Variants in KANSL1L observed in about 807,000 individuals in gnomAD.
The protein encoded by KANSL1L is KAT8 regulatory NSL complex subunit 1-like protein.
Under a neutral mutation model 108.6 loss-of-function variants are expected in KANSL1L, and 25 were observed. The ratio of observed to expected loss-of-function variants is 0.23; its 90% CI spans 0.17 to 0.32. The LOEUF (loss-of-function observed/expected upper bound fraction) is 0.32. Among genes scored for constraint, KANSL1L ranks in the 10% least tolerant of loss-of-function variants. KANSL1L has a pLI of 1.00. For missense variants in KANSL1L, 1,137 were observed against 1,125.7 expected, an observed-to-expected ratio of 1.01 and a Z score of -0.14; for synonymous variants, 405 against 395.1, an observed-to-expected ratio of 1.03 and a Z score of -0.30.
intron 7 of KANSL1L, chr2:210,043,294 T>G (rs1021340629): frequency 1.3e-5 from 2 of 153,152 alleles, no homozygotes; most frequent in African/African-American, 4.8e-5. Flanking sequence ...GAGGCTGAGG[T>G]GGGAGGATTA....
intron 5 of KANSL1L, among the ~76,000 whole-genome samples, chr2:210,086,992 C>T: frequency 6.6e-6 from 1 of 151,464 alleles, no homozygotes; most frequent in East Asian, 1.9e-4. Flanking sequence ...TAAGTTTATG[C>T]ATGAAAGTTC....
intron 6 of KANSL1L, among the ~76,000 whole-genome samples, chr2:210,048,343 A>G (rs12470144): frequency 0.28 from 42,700 of 151,424 alleles, 6,682 homozygotes; most frequent in Non-Finnish European, 0.35. Context: ...CTTTTTTCAT[A>G]TTTTCCATTT....
intron 6 of KANSL1L, among the ~76,000 whole-genome samples, chr2:210,074,893 G>T (rs1332274392): frequency 6.6e-6 from 1 of 152,128 alleles, no homozygotes; most frequent in Non-Finnish European, 1.5e-5. Context: ...AGCATATCCA[G>T]CAAGAACTAG....
In KANSL1L at chr2:210,028,964, A is replaced by G. The variant is rs772412965; in HGVS notation, c.2277T>C (p.Thr759=). ...TCTCACTTCTCAATCTCCGTCGTGC[A>G]GTATTCTGCAAAACAGGATTACAGT... ...LSRIQNSSRN[T]ARRRLRSESS... The change falls in exon 11 of 15, where the codon ACT becomes ACC. Residue 759 remains threonine (T), a synonymous_variant. Coordinates refer to ENST00000281772, the MANE Select transcript of KANSL1L (RefSeq NM_152519.4). The G allele has an allele frequency of 5.0e-6, 8 of 1,610,028 alleles. No individual in the cohort carries two copies. The highest frequency in any genetic ancestry group is 6.8e-6 in the Non-Finnish European group (8 of 1,177,714).
chr2:210,035,457 G>A (rs187939526), intron 8 of KANSL1L, among the ~76,000 whole-genome samples: 30 of 152,234 alleles, frequency 2.0e-4, no homozygotes, highest in African/African-American at 7.2e-4. Flanking sequence ...CTACAGGAAT[G>A]CCAAGTTATT....
At chr2:210,065,974 G>A (rs1450844869) in intron 6 of KANSL1L, among the ~76,000 whole-genome samples, 1 of 152,166 alleles carries the variant, frequency 6.6e-6, no homozygotes, top group African/African-American at 2.4e-5. Flanking sequence ...GTCTTGGAAG[G>A]AAGGTGTTCA....
chr2:210,060,615 C>T (rs2094409426), intron 6 of KANSL1L, among the ~76,000 whole-genome samples: 2 of 152,170 alleles, frequency 1.3e-5, no homozygotes, highest in African/African-American at 2.4e-5. Context: ...ATGCAAATAG[C>T]GTTCTTCAGA....
At chr2:210,164,545 T>C (rs1349874659) in intron 1 of KANSL1L, among the ~76,000 whole-genome samples, 5 of 152,192 alleles carry the variant, frequency 3.3e-5, no homozygotes, top group African/African-American at 9.6e-5. Context: ...ATTTCTTTCA[T>C]ATACACCCAA....
chr2:210,162,868 T>C (rs1425288373), intron 1 of KANSL1L, among the ~76,000 whole-genome samples: 1 of 152,184 alleles, frequency 6.6e-6, no homozygotes, highest in Non-Finnish European at 1.5e-5. Context: ...TTAAGGAATG[T>C]ATTGCTTTTA....
In KANSL1L at chr2:210,073,774, A is replaced by C. The variant is rs912455977; in HGVS notation, c.1755+1778T>G. Among the ~76,000 whole-genome samples the C allele has an allele frequency of 3.1e-4, 44 of 142,006 alleles. 1 individual carries two copies. The South Asian group carries it at 8.2e-3, about 26-fold the overall frequency. 93.2% of individuals were successfully genotyped at this position (142,006 alleles called of 152,430 possible). On this transcript the variant is annotated intron_variant, in intron 6 of 14. Coordinates refer to ENST00000281772, the MANE Select transcript of KANSL1L (RefSeq NM_152519.4). ...AGTAGGCAAATCTAGGAAACACACA[A>C]ACACACACACACACACACACACACA...
chr2:210,119,499 T>G (rs1006995161), intron 3 of KANSL1L, among the ~76,000 whole-genome samples: 1 of 152,152 alleles, frequency 6.6e-6, no homozygotes, highest in Non-Finnish European at 1.5e-5. Context: ...CATAATCAAG[T>G]AGGATGCATT....
At chr2:210,064,904 G>A (rs929854886) in intron 6 of KANSL1L, among the ~76,000 whole-genome samples, 3 of 150,608 alleles carry the variant, frequency 2.0e-5, no homozygotes, top group Non-Finnish European at 2.9e-5. Flanking sequence ...AGTACATTAC[G>A]AACTCATAGA....
At chr2:210,141,111 C>T (rs1222492330) in intron 2 of KANSL1L, among the ~76,000 whole-genome samples, 1 of 151,894 alleles carries the variant, frequency 6.6e-6, no homozygotes, top group Admixed American at 6.6e-5. Flanking sequence ...TTTCTTTCCT[C>T]TCTTCCCCTC....
chr2:210,024,748 G>A (rs2093912499), intron 13 of KANSL1L, among the ~76,000 whole-genome samples: 1 of 152,070 alleles, frequency 6.6e-6, no homozygotes, highest in South Asian at 2.1e-4. Flanking sequence ...TGGAAGTAGT[G>A]ATGTTAAAAT....
chr2:210,162,063 TAAAA>T (rs779066763), intron 1 of KANSL1L, among the ~76,000 whole-genome samples: 5 of 112,918 alleles, frequency 4.4e-5, no homozygotes, highest in African/African-American at 6.4e-5. Context: ...TGTCTCTATT[TAAAA>T]AAAAAAAAAA....
At chr2:210,122,311 G>A (rs1385360280) in intron 3 of KANSL1L, among the ~76,000 whole-genome samples, 1 of 152,026 alleles carries the variant, frequency 6.6e-6, no homozygotes, top group East Asian at 1.9e-4. Context: ...AATCAAAACG[G>A]CACAGTACTG....
chr2:210,164,327 A>T (rs1273865603), intron 1 of KANSL1L, among the ~76,000 whole-genome samples: 1 of 152,142 alleles, frequency 6.6e-6, no homozygotes, highest in South Asian at 2.1e-4. Context: ...GGCTTTATGG[A>T]AAGTTTATGG....
intron 1 of KANSL1L, among the ~76,000 whole-genome samples, chr2:210,167,275 C>G (rs550590134): frequency 1.4e-4 from 21 of 152,128 alleles, no homozygotes; most frequent in African/African-American, 5.1e-4. Flanking sequence ...AACTAGGATT[C>G]AGTCAGCTCA....
At chr2:210,040,257 G>T in intron 8 of KANSL1L, 163 bp downstream of exon 8, 1 of 542,110 alleles carries the variant, frequency 1.8e-6, no homozygotes, top group Non-Finnish European at 3.3e-6. Flanking sequence ...TGTTAAGATT[G>T]TTCTTGTATT....
Sources: gnomAD v4.1 joint callset for allele counts (sites outside exome capture counted in the v4.1 genomes callset) on GRCh38, gnomAD v4.1.1 for gene constraint, MANE v1.5 for transcripts, NCBI Gene and HGNC (gene_info 2026-07-23, HGNC 2026-07-21) for gene names.